The following PPFIBP1 variants were observed in gnomAD, a reference collection of about 807,000 sequenced individuals.
PPFIBP1 encodes the protein liprin-beta-1.
A neutral mutation model predicts 137.8 loss-of-function variants in PPFIBP1; 112 were observed. The observed-to-expected ratio is 0.81, with a 90% CI of 0.70 to 0.95. The LOEUF is 0.95. PPFIBP1 is among the 40% of genes least tolerant of loss of function. The probability of loss-of-function intolerance (pLI) is 0.00; values close to 1 mark genes in which losing one functional copy is unlikely to be tolerated. For synonymous variants in PPFIBP1, 378 were observed against 417.3 expected (o/e 0.91, Z 1.15); for missense variants, 1,083 against 1,196.6 (o/e 0.91, Z 1.40).
At chr12:27,568,510 G>A (rs1592526847) in intron 1 of PPFIBP1, among the ~76,000 whole-genome samples, 2 of 152,288 alleles carry the variant, frequency 1.3e-5, no homozygotes, top group South Asian at 2.1e-4. Context: ...TAAGGATGAG[G>A]GATGGAAGTG....
At chr12:27,554,238 T>G (rs942860375) in intron 1 of PPFIBP1, among the ~76,000 whole-genome samples, 4 of 152,244 alleles carry the variant, frequency 2.6e-5, no homozygotes, top group African/African-American at 9.6e-5. Context: ...ATCCCAATTA[T>G]TCCTAACTTA....
chr12:27,680,167 A>G (rs2060795504), intron 21 of PPFIBP1, 106 bp downstream of exon 21: 3 of 1,424,974 alleles, frequency 2.1e-6, no homozygotes, highest in East Asian at 2.3e-5. Context: ...TCATTGCTTA[A>G]TGCTGTGCCT....
chr12:27,600,937 A>G (rs1043354538), intron 2 of PPFIBP1, among the ~76,000 whole-genome samples: 1 of 152,224 alleles, frequency 6.6e-6, no homozygotes, highest in Non-Finnish European at 1.5e-5. Flanking sequence ...TAGCATAGCC[A>G]TTGCTTGAAA....
chr12:27,608,077 AGCTTAACATTT>A (rs1232957916), intron 2 of PPFIBP1, among the ~76,000 whole-genome samples: 8 of 152,244 alleles, frequency 5.3e-5, no homozygotes, highest in Admixed American at 6.5e-5. Flanking sequence ...ATGACTCTCC[AGCTTAACATTT>A]GGAAGCAAAT....
intron 2 of PPFIBP1, among the ~76,000 whole-genome samples, chr12:27,632,946 AAAAAAC>A (rs1257453604): frequency 1.3e-5 from 2 of 152,172 alleles, no homozygotes; most frequent in Non-Finnish European, 2.9e-5. Context: ...GTACAGAAAG[AAAAAAC>A]AAAAACAAAC....
At chr12:27,683,977 C>T (rs866305561) in intron 24 of PPFIBP1, among the ~76,000 whole-genome samples, 14 of 151,768 alleles carry the variant, frequency 9.2e-5, no homozygotes, top group South Asian at 2.1e-4. Context: ...TTAATAGAGA[C>T]GGGGTTTCAC....
At chr12:27,537,096 G>A (rs1320928956) in intron 1 of PPFIBP1, among the ~76,000 whole-genome samples, 2 of 151,434 alleles carry the variant, frequency 1.3e-5, no homozygotes, top group South Asian at 2.1e-4. Flanking sequence ...AGACCTTGCC[G>A]TTGTCTCCTA....
At chr12:27,541,411 G>A (rs969480187) in intron 1 of PPFIBP1, among the ~76,000 whole-genome samples, 1 of 152,288 alleles carries the variant, frequency 6.6e-6, no homozygotes, top group Admixed American at 6.5e-5. Context: ...AAACATCTGA[G>A]TGACTGAAAC....
chr12:27,664,240 C>T, intron 11 of PPFIBP1, 122 bp from the exon 12 acceptor site: 1 of 644,656 alleles, frequency 1.6e-6, no homozygotes. Context: ...TTTTTAAATG[C>T]TCTCTCGGCA....
rs370141265 is a variant in PPFIBP1, at chr12:27,664,384, G to A, written c.929G>A (p.Arg310Gln). The stretch of plus-strand genomic sequence containing the variant: ...TAGGATCGGAAAATAGAAGATCTTC[G>A]ACAGTGCCTGAACAGGTACAAGAAA... ...EEKDRKIEDL[R>Q]QCLNRYKKMQ... The change falls in exon 12 of 30, where the codon CGA (arginine) becomes CAA (glutamine). Residue 310 changes from arginine to glutamine, a missense_variant. Coordinates refer to ENST00000228425, the MANE Select transcript of PPFIBP1 (RefSeq NM_003622.4). 74 of 1,611,496 alleles carry A rather than the reference G, an allele frequency of 4.6e-5. No homozygotes were observed. Among genetic ancestry groups the A allele is most frequent in the Non-Finnish European group, 5.9e-5 (70 of 1,178,250 alleles).
At chr12:27,603,698 T>C (rs1292035119) in intron 2 of PPFIBP1, among the ~76,000 whole-genome samples, 4 of 152,172 alleles carry the variant, frequency 2.6e-5, no homozygotes, top group African/African-American at 9.6e-5. Flanking sequence ...AATGTTTCAA[T>C]TGCATGAGAG....
At chr12:27,551,796 T>C (rs958488423) in intron 1 of PPFIBP1, among the ~76,000 whole-genome samples, 1 of 152,232 alleles carries the variant, frequency 6.6e-6, no homozygotes, top group Non-Finnish European at 1.5e-5. Flanking sequence ...GATGTGAAGA[T>C]TGTGTGTCAA....
chr12:27,686,142 A>G (rs1432808783), intron 24 of PPFIBP1, among the ~76,000 whole-genome samples: 2 of 152,194 alleles, frequency 1.3e-5, no homozygotes, highest in South Asian at 2.1e-4. Flanking sequence ...TTAAGACACT[A>G]CTTTTAAGGA....
At chr12:27,647,889 T>C in intron 6 of PPFIBP1, 47 bp downstream of exon 6, 1 of 1,566,366 alleles carries the variant, frequency 6.4e-7, no homozygotes, top group Non-Finnish European at 8.6e-7. Flanking sequence ...TGCTGAACTA[T>C]GTGAGATGCT....
chr12:27,622,976 T>C (rs2138621317), intron 2 of PPFIBP1, among the ~76,000 whole-genome samples: 1 of 152,350 alleles, frequency 6.6e-6, no homozygotes, highest in Admixed American at 6.5e-5. Flanking sequence ...TGCTCATGTA[T>C]AGGAATTTAT....
At chr12:27,528,240 C>T (rs181410271) in intron 1 of PPFIBP1, among the ~76,000 whole-genome samples, 45 of 152,198 alleles carry the variant, frequency 3.0e-4, no homozygotes, top group South Asian at 2.7e-3. Context: ...TGAGCCACCA[C>T]GCCTGGTTAT....
At chr12:27,566,356 C>T (rs1188802899) in intron 1 of PPFIBP1, among the ~76,000 whole-genome samples, 3 of 152,160 alleles carry the variant, frequency 2.0e-5, no homozygotes, top group Non-Finnish European at 4.4e-5. Flanking sequence ...GATTGTATTC[C>T]AGGACAGCTG....
intron 17 of PPFIBP1, 134 bp from the exon 18 acceptor site, chr12:27,676,294 G>A (rs2060506291): frequency 1.7e-6 from 1 of 601,862 alleles, no homozygotes; most frequent in Non-Finnish European, 2.6e-6. Flanking sequence ...TGACATTGGT[G>A]ATCAATGTAT....
At chr12:27,679,415 T>C in intron 19 of PPFIBP1, 74 bp from the exon 20 acceptor site, 1 of 1,429,206 alleles carries the variant, frequency 7.0e-7, no homozygotes, top group Non-Finnish European at 9.6e-7. Flanking sequence ...TTAACAGTTC[T>C]AGAACCAAGA....
Sources: gnomAD v4.1 joint callset for allele counts (sites outside exome capture counted in the v4.1 genomes callset) on GRCh38, gnomAD v4.1.1 for gene constraint, MANE v1.5 for transcripts, NCBI Gene and HGNC (gene_info 2026-07-23, HGNC 2026-07-21) for gene names.